TAF12: variants seen among roughly 807,000 people sequenced by gnomAD.
TAF12 encodes TATA-box binding protein associated factor 12.
In TAF12, 3 loss-of-function variants were observed where a neutral mutation model predicts 20.8. The ratio of observed to expected loss-of-function variants is 0.14; its 90% CI spans 0.07 to 0.37. The LOEUF is 0.37. Ranked by LOEUF, TAF12 falls within the 10% of genes least tolerant of loss-of-function variation. The pLI is 1.00. For missense variants in TAF12, 131 were observed against 197.9 expected (o/e 0.66, Z 2.03); for synonymous variants, 69 against 70.2 (o/e 0.98, Z 0.09).
At chr1:28,632,756 G>A (rs1314169651) in intron 1 of TAF12, among the ~76,000 whole-genome samples, 1 of 152,066 alleles carries the variant, frequency 6.6e-6, no homozygotes, top group Non-Finnish European at 1.5e-5. Context: ...GGTGGGGGGT[G>A]AAATTGTTCT....
At chr1:28,627,128 G>A (rs58957731) in intron 1 of TAF12, among the ~76,000 whole-genome samples, 3 of 151,440 alleles carry the variant, frequency 2.0e-5, no homozygotes, top group East Asian at 2.0e-4. Context: ...GGCTCACGCC[G>A]GTAATCCCAG....
chr1:28,644,971 A>G (rs1668146984), upstream of TAF12, among the ~76,000 whole-genome samples: 1 of 152,104 alleles, frequency 6.6e-6, no homozygotes, highest in Admixed American at 6.6e-5. Flanking sequence ...ATCATAGTTC[A>G]CTACAGCCTC....
At chr1:28,644,416 T>C (rs1010957209), upstream of TAF12, among the ~76,000 whole-genome samples, 1 of 152,252 alleles carries the variant, frequency 6.6e-6, no homozygotes, top group Admixed American at 6.5e-5. Flanking sequence ...CTCCATTCTT[T>C]TTAGGGTCCG....
At chr1:28,628,773 T>C (rs1667523741) in intron 1 of TAF12, among the ~76,000 whole-genome samples, 1 of 152,176 alleles carries the variant, frequency 6.6e-6, no homozygotes, top group Non-Finnish European at 1.5e-5. Flanking sequence ...TTGTTATTGT[T>C]TATTGAAACA....
At chr1:28,621,040 C>G (rs557410660) in intron 2 of TAF12, among the ~76,000 whole-genome samples, 2 of 152,224 alleles carry the variant, frequency 1.3e-5, no homozygotes, top group African/African-American at 2.4e-5. Context: ...ACTTTTACTC[C>G]TTTATTAAAT....
At chr1:28,604,514 G>A (rs895646386) in intron 5 of TAF12, among the ~76,000 whole-genome samples, 5 of 152,154 alleles carry the variant, frequency 3.3e-5, no homozygotes, top group Non-Finnish European at 7.4e-5. Flanking sequence ...TAAATAAATA[G>A]GGCTGAAAAT....
Position 28,626,039 on chromosome 1 carries a change from G to A in TAF12, c.-84-3874C>T, listed in dbSNP as rs889357812. ...TGTGTCCCCCAGGCTGGAGTGCAGC[G>A]GTGTGATCTCAGCTCACTGCAACCT... is the stretch of plus-strand genomic sequence containing the variant. On this transcript the variant is annotated intron_variant, in intron 1 of 5. Transcript: ENST00000373824. 1.3e-4 allele frequency among the ~76,000 whole-genome samples: 19 copies of A among 151,344 alleles called. 1 individual carries two copies. The South Asian group carries it at 1.3e-3, about 10-fold the overall frequency.
chr1:28,627,419 C>T lies in TAF12; in HGVS notation c.-84-5254G>A, dbSNP rs1411174442. 2.0e-3 allele frequency among the ~76,000 whole-genome samples: 300 copies of T among 146,762 alleles called. 3 individuals carry two copies. Among genetic ancestry groups the T allele is most frequent in the African/African-American group, 7.4e-3 (293 of 39,378 alleles). ...AAAAAAAAAAAAAAAAGAGGCCGGGCGCGGTGGCTCACGCTTGTAATCCCA... is the reference window on the plus strand; with the variant it reads ...AAAAAAAAAAAAAAAAGAGGCCGGGTGCGGTGGCTCACGCTTGTAATCCCA... On this transcript the variant is annotated intron_variant, in intron 1 of 5. Coordinates refer to ENST00000373824, the MANE Select transcript of TAF12 (RefSeq NM_005644.4).
intron 4 of TAF12, among the ~76,000 whole-genome samples, chr1:28,609,569 C>T (rs1393903361): frequency 6.6e-6 from 1 of 152,008 alleles, no homozygotes; most frequent in Non-Finnish European, 1.5e-5. Context: ...TCACTGCAAC[C>T]TCTGCCTCCT....
intron 2 of TAF12, among the ~76,000 whole-genome samples, chr1:28,618,333 CA>C (rs1039353595): frequency 3.3e-5 from 5 of 152,066 alleles, no homozygotes; most frequent in Admixed American, 3.3e-4. Context: ...ATTCTCTGAC[CA>C]CCACAAATTG....
intron 4 of TAF12, among the ~76,000 whole-genome samples, chr1:28,606,873 A>G (rs151112092): frequency 2.1e-4 from 32 of 152,300 alleles, no homozygotes; most frequent in African/African-American, 7.2e-4. Context: ...CAACAGTAAT[A>G]ACCACTGACA....
At chr1:28,611,848 G>A (rs753950234) in intron 4 of TAF12, among the ~76,000 whole-genome samples, 12 of 152,026 alleles carry the variant, frequency 7.9e-5, no homozygotes, top group Admixed American at 1.3e-4. Context: ...ACAATCTCAG[G>A]CCCAGCCACT....
At chr1:28,623,950 A>G (rs1667301987) in intron 1 of TAF12, 6 of 985,684 alleles carry the variant, frequency 6.1e-6, no homozygotes, top group South Asian at 9.4e-5. Flanking sequence ...ACTTACAGCT[A>G]TCTGAGTGTC....
intron 1 of TAF12, among the ~76,000 whole-genome samples, chr1:28,635,883 A>C (rs895100840): frequency 1.2e-4 from 18 of 152,236 alleles, no homozygotes; most frequent in African/African-American, 3.9e-4. Flanking sequence ...GTAGCCTTCA[A>C]AACCTTTTTT....
At chr1:28,603,975 G>A (rs1666585981) in intron 5 of TAF12, among the ~76,000 whole-genome samples, 1 of 151,652 alleles carries the variant, frequency 6.6e-6, no homozygotes, top group South Asian at 2.1e-4. Context: ...CATGATTTCG[G>A]CTCACTGCAA....
chr1:28,624,078 T>A, intron 1 of TAF12: 1 of 913,388 alleles, frequency 1.1e-6, no homozygotes, highest in Non-Finnish European at 1.3e-6. Context: ...CATGGAACCA[T>A]TTTAGTTGAA....
chr1:28,606,966 A>G (rs1402105205), intron 4 of TAF12, among the ~76,000 whole-genome samples: 2 of 152,214 alleles, frequency 1.3e-5, no homozygotes. Flanking sequence ...ATGGATATAG[A>G]GAGAAGTATG....
chr1:28,609,515 A>G (rs187844130), intron 4 of TAF12, among the ~76,000 whole-genome samples: 3 of 146,244 alleles, frequency 2.1e-5, no homozygotes, highest in Non-Finnish European at 3.0e-5. Flanking sequence ...GAGATGGGCT[A>G]CTGCTCTGTC....
chr1:28,634,480 C>T (rs886850446), intron 1 of TAF12, among the ~76,000 whole-genome samples: 3 of 146,978 alleles, frequency 2.0e-5, no homozygotes, highest in Non-Finnish European at 4.5e-5. Flanking sequence ...TTTGAGAGAA[C>T]AATAATAATT....
Sources: gnomAD v4.1 joint callset for allele counts (sites outside exome capture counted in the v4.1 genomes callset) on GRCh38, gnomAD v4.1.1 for gene constraint, MANE v1.5 for transcripts, NCBI Gene and HGNC (gene_info 2026-07-23, HGNC 2026-07-21) for gene names.